Variants in DCC observed in about 807,000 individuals in gnomAD.
DCC encodes netrin receptor DCC.
Under a neutral mutation model 172.5 loss-of-function variants are expected in DCC, and 58 were observed. That is an observed-to-expected ratio of 0.34 (90% CI 0.27 to 0.42). The LOEUF (loss-of-function observed/expected upper bound fraction) is 0.42, where lower values mean the gene tolerates loss of function less well. Among genes scored for constraint, DCC ranks in the 10% least tolerant of loss-of-function variants. The pLI, the probability that DCC is intolerant of heterozygous loss-of-function variation, is 1.00. For synonymous variants in DCC, 709 were observed against 644.5 expected (o/e 1.10, Z -1.52); for missense variants, 1,740 against 1,791.0 (o/e 0.97, Z 0.51).
chr18:52,764,812 T>C (rs533951433), intron 2 of DCC, among the ~76,000 whole-genome samples: 13 of 152,330 alleles, frequency 8.5e-5, no homozygotes, highest in African/African-American at 3.1e-4. Context: ...TCTTCTGCTG[T>C]CTGTAAAAAG....
intron 15 of DCC, among the ~76,000 whole-genome samples, chr18:53,348,468 T>G (rs1471082159): frequency 2.6e-5 from 4 of 152,168 alleles, no homozygotes; most frequent in Non-Finnish European, 4.4e-5. Flanking sequence ...GTCTGTGGCT[T>G]TTCCAAATGC....
chr18:53,222,430 G>C (rs557263590), intron 12 of DCC, among the ~76,000 whole-genome samples: 44 of 137,758 alleles, frequency 3.2e-4, no homozygotes, highest in Admixed American at 1.1e-3. Context: ...TGTCACCCAG[G>C]CTGCAGTGCA....
intron 12 of DCC, among the ~76,000 whole-genome samples, chr18:53,280,873 G>T (rs1160902269): frequency 6.6e-6 from 1 of 151,708 alleles, no homozygotes; most frequent in Non-Finnish European, 1.5e-5. Context: ...GGTAAAAAAA[G>T]TTGATTATTG....
intron 1 of DCC, among the ~76,000 whole-genome samples, chr18:52,512,158 G>A (rs1475831846): frequency 6.6e-6 from 1 of 152,128 alleles, no homozygotes; most frequent in African/African-American, 2.4e-5. Flanking sequence ...TAGATTAGGG[G>A]CTTAGGACTC....
intron 2 of DCC, among the ~76,000 whole-genome samples, chr18:52,807,250 T>C (rs1264895486): frequency 6.6e-6 from 1 of 152,154 alleles, no homozygotes; most frequent in Non-Finnish European, 1.5e-5. Flanking sequence ...GGCATTATAC[T>C]GGGTAATACT....
chr18:52,359,909 C>G (rs1984545060), intron 1 of DCC, among the ~76,000 whole-genome samples: 1 of 152,056 alleles, frequency 6.6e-6, no homozygotes, highest in Non-Finnish European at 1.5e-5. Context: ...AAAAGTTGGC[C>G]AATTTTTCCA....
intron 9 of DCC, among the ~76,000 whole-genome samples, chr18:53,199,622 A>G (rs1343132287): frequency 2.1e-5 from 3 of 141,770 alleles, no homozygotes; most frequent in Admixed American, 1.4e-4. Flanking sequence ...ATATATATAT[A>G]TGACCTATAA....
intron 1 of DCC, among the ~76,000 whole-genome samples, chr18:52,514,192 C>T (rs541413856): frequency 4.0e-5 from 6 of 151,836 alleles, no homozygotes; most frequent in South Asian, 4.2e-4. Context: ...AGTGTATATG[C>T]GTACACATGT....
chr18:53,077,581 G>A (rs571125400), intron 7 of DCC, among the ~76,000 whole-genome samples: 2 of 152,150 alleles, frequency 1.3e-5, no homozygotes, highest in Non-Finnish European at 2.9e-5. Flanking sequence ...AGAGAAGCCA[G>A]GGTATGATGA....
At chr18:52,746,582 C>T (rs2036908456) in intron 1 of DCC, among the ~76,000 whole-genome samples, 1 of 152,094 alleles carries the variant, frequency 6.6e-6, no homozygotes, top group South Asian at 2.1e-4. Context: ...GCCTCTGCGA[C>T]TGAATGGTCT....
At chr18:52,375,080 C>T (rs1347468404) in intron 1 of DCC, among the ~76,000 whole-genome samples, 1 of 152,154 alleles carries the variant, frequency 6.6e-6, no homozygotes, top group Non-Finnish European at 1.5e-5. Flanking sequence ...TCTTCTTGAT[C>T]CCCCTTTGTG....
chr18:53,074,528 C>A (rs2042699565), intron 7 of DCC, among the ~76,000 whole-genome samples: 3 of 152,178 alleles, frequency 2.0e-5, no homozygotes, highest in Admixed American at 2.0e-4. Flanking sequence ...GCTTTGTTAA[C>A]TTCAGCATAT....
intron 5 of DCC, among the ~76,000 whole-genome samples, chr18:52,962,844 CTA>C (rs1024174814): frequency 7.9e-5 from 12 of 151,646 alleles, no homozygotes; most frequent in Non-Finnish European, 1.5e-4. Context: ...TTTCAGCAAA[CTA>C]TCGCAAGGAC....
chr18:52,785,904 A>G (rs1214431138), intron 2 of DCC, among the ~76,000 whole-genome samples: 2 of 152,082 alleles, frequency 1.3e-5, no homozygotes, highest in Non-Finnish European at 2.9e-5. Flanking sequence ...TAGGACAAGT[A>G]TTTACCATCT....
Position 52,607,577 on chromosome 18 carries a change from T to C in DCC, c.92-144477T>C, listed in dbSNP as rs2034161484. ...GGGCAAGGAACTGTCCTCACCAGAG[T>C]CTTCTTTAGAGGAAGTTTCTCACAT... is the stretch of plus-strand genomic sequence containing the variant. On this transcript the variant is annotated intron_variant, in intron 1 of 28. Coordinates refer to ENST00000442544, the MANE Select transcript of DCC (RefSeq NM_005215.4). Among the ~76,000 whole-genome samples, 6 of 152,108 alleles carry C rather than the reference T, an allele frequency of 3.9e-5. No individual in the cohort carries two copies. In the South Asian group the frequency reaches 1.2e-3, roughly 32 times the overall value.
chr18:52,656,460 A>C (rs1248270202), intron 1 of DCC, among the ~76,000 whole-genome samples: 1 of 152,194 alleles, frequency 6.6e-6, no homozygotes. Context: ...TTTGTTGTTT[A>C]TAAGCCACTC....
intron 1 of DCC, among the ~76,000 whole-genome samples, chr18:52,746,992 G>T (rs569716910): frequency 1.3e-5 from 2 of 151,638 alleles, no homozygotes; most frequent in South Asian, 4.2e-4. Flanking sequence ...GGAGGAGAAG[G>T]CCCAATGATG....
chr18:52,592,876 T>C (rs979982277), intron 1 of DCC, among the ~76,000 whole-genome samples: 2 of 152,066 alleles, frequency 1.3e-5, no homozygotes, highest in Non-Finnish European at 2.9e-5. Flanking sequence ...AACTCCTGGC[T>C]TCAAGTGATC....
rs569984963 is a variant in DCC, at chr18:53,358,824, G to A, written c.2359+18917G>A. Among the ~76,000 whole-genome samples, 32 of 152,076 alleles carry A rather than the reference G, an allele frequency of 2.1e-4. 1 individual carries two copies. In the South Asian group the frequency reaches 6.4e-3, roughly 31 times the overall value. On this transcript the variant is annotated intron_variant, in intron 15 of 28. Coordinates refer to ENST00000442544, the MANE Select transcript of DCC (RefSeq NM_005215.4). ...CGTGAGCCACCACACCCAGCCATAA[G>A]ACATATTATCTAACATATTCTAGGC...
Sources: gnomAD v4.1 joint callset for allele counts (sites outside exome capture counted in the v4.1 genomes callset) on GRCh38, gnomAD v4.1.1 for gene constraint, MANE v1.5 for transcripts, NCBI Gene and HGNC (gene_info 2026-07-23, HGNC 2026-07-21) for gene names.